Variants in IP6K1 observed in about 807,000 individuals in gnomAD.
IP6K1 encodes the protein ATP:1D-myo-inositol-hexakisphosphate phosphotransferase.
In IP6K1, 13 loss-of-function variants were observed where a neutral mutation model predicts 38.3. That is an observed-to-expected ratio of 0.34 (90% confidence interval 0.22 to 0.54). The LOEUF is 0.54. IP6K1 is among the 20% of genes least tolerant of loss of function. IP6K1 has a pLI of 0.92. For synonymous variants in IP6K1, 212 were observed against 229.9 expected (o/e 0.92, Z 0.70); for missense variants, 397 against 599.8 (o/e 0.66, Z 3.53).
Position 49,751,405 on chromosome 3 carries a change from C to T in IP6K1, c.-128-3237G>A, listed in dbSNP as rs540743031. 6.6e-5 allele frequency among the ~76,000 whole-genome samples: 10 copies of T among 152,152 alleles called. No homozygotes were observed. The South Asian group carries it at 1.9e-3, about 28-fold the overall frequency. ...TCAATCTCTTGACCTCATGATCCACCCACCTCAGCCTCCCACAGTGCTGGG... is the reference window on the plus strand; with the variant it reads ...TCAATCTCTTGACCTCATGATCCACTCACCTCAGCCTCCCACAGTGCTGGG... On this transcript the variant is annotated intron_variant, in intron 1 of 5. Coordinates refer to ENST00000321599, the MANE Select transcript of IP6K1 (RefSeq NM_153273.4).
intron 1 of IP6K1, among the ~76,000 whole-genome samples, chr3:49,750,788 A>G (rs2080767696): frequency 6.6e-6 from 1 of 152,206 alleles, no homozygotes; most frequent in East Asian, 1.9e-4. Flanking sequence ...CTGAGGGCAG[A>G]GTCCACTCTT....
intron 1 of IP6K1, among the ~76,000 whole-genome samples, chr3:49,784,668 T>C (rs1429351525): frequency 6.9e-6 from 1 of 144,394 alleles, no homozygotes; most frequent in East Asian, 2.1e-4. Context: ...AAAAGTAGGC[T>C]TGGCGCGGTG....
chr3:49,775,426 G>C, intron 1 of IP6K1: 1 of 451,786 alleles, frequency 2.2e-6, no homozygotes, highest in East Asian at 4.6e-5. Context: ...TGTGATGAGT[G>C]TAACTACGTA....
intron 2 of IP6K1, 53 bp downstream of exon 2, chr3:49,747,765 A>AG (rs2080734037): frequency 6.2e-7 from 1 of 1,606,336 alleles, no homozygotes; most frequent in African/African-American, 1.3e-5. Flanking sequence ...AACTGTGGCA[A>AG]GGGGTCTATA....
chr3:49,760,003 G>A (rs1158779690), intron 1 of IP6K1, among the ~76,000 whole-genome samples: 2 of 152,102 alleles, frequency 1.3e-5, no homozygotes, highest in Admixed American at 6.6e-5. Flanking sequence ...TTGGGCTCAG[G>A]CGATCCTTCC....
chr3:49,759,805 A>C (rs1263112349), intron 1 of IP6K1, among the ~76,000 whole-genome samples: 1 of 152,260 alleles, frequency 6.6e-6, no homozygotes, highest in Non-Finnish European at 1.5e-5. Context: ...AGGGGTGAAC[A>C]ACCAGCATAA....
chr3:49,729,331 A>G (rs937735568), intron 4 of IP6K1, among the ~76,000 whole-genome samples: 1 of 152,124 alleles, frequency 6.6e-6, no homozygotes, highest in Non-Finnish European at 1.5e-5. Context: ...TATATATCAC[A>G]AACTTTTTTG....
At chr3:49,730,418 C>T (rs1489171564) in intron 4 of IP6K1, among the ~76,000 whole-genome samples, 2 of 152,184 alleles carry the variant, frequency 1.3e-5, no homozygotes, top group African/African-American at 2.4e-5. Context: ...GAACCAAGGC[C>T]CTACTCAAGC....
At chr3:49,741,009 C>T (rs544758355) in intron 2 of IP6K1, among the ~76,000 whole-genome samples, 22 of 152,134 alleles carry the variant, frequency 1.4e-4, no homozygotes, top group East Asian at 3.9e-4. Flanking sequence ...CCACCACGCT[C>T]GGCTACTTTT....
intron 1 of IP6K1, among the ~76,000 whole-genome samples, chr3:49,759,776 G>A (rs538411380): frequency 2.2e-4 from 34 of 152,316 alleles, no homozygotes; most frequent in African/African-American, 5.8e-4. Flanking sequence ...AAGTAAATAC[G>A]TGAAGAAAAC....
At position 49,748,140 on chromosome 3, in the gene IP6K1, T is replaced by C; in HGVS notation, c.-100A>G. On this transcript the variant is annotated 5_prime_UTR_variant, in exon 2 of 6. Coordinates refer to ENST00000321599, the MANE Select transcript of IP6K1 (RefSeq NM_153273.4). ...GTCCTGGCCAGGTGAAAGCCAATGG[T>C]CAGATTCTATTCAGCTTATTATTCT... The C allele has an allele frequency of 1.7e-6, 2 of 1,174,046 alleles. No homozygotes were observed. Among genetic ancestry groups the C allele is most frequent in the Non-Finnish European group, 2.5e-6 (2 of 802,234 alleles). 72.7% of individuals were successfully genotyped at this position (1,174,046 alleles called of 1,614,324 possible).
rs1284379087 is a variant in IP6K1 at position 49,724,833 on chromosome 3, T to C, written c.*2289A>G. 6.6e-6 allele frequency: 1 copy of C among 152,600 alleles called. No homozygotes were observed. The highest frequency in any genetic ancestry group is 6.5e-5 in the Admixed American group (1 of 15,270). The allele number at this position is 152,600 out of a possible 1,614,324, so 9.5% of individuals were successfully genotyped here. On this transcript the variant is annotated 3_prime_UTR_variant, in exon 6 of 6. Transcript: ENST00000321599. ...CCCTTCCTCTTTTAAGCACCACCCG[T>C]CCCACCCCACCCTCAGGGGCTGGTG... is the stretch of plus-strand genomic sequence containing the variant.
intron 4 of IP6K1, 146 bp downstream of exon 4, chr3:49,732,645 T>A: frequency 1.7e-6 from 1 of 600,688 alleles, no homozygotes; most frequent in Non-Finnish European, 2.8e-6. Flanking sequence ...TTGATGAAAG[T>A]AAACGAAGGA....
intron 1 of IP6K1, among the ~76,000 whole-genome samples, chr3:49,753,061 G>C (rs775458391): frequency 3.0e-4 from 46 of 151,918 alleles, no homozygotes; most frequent in Non-Finnish European, 5.9e-4. Context: ...ATGCCTGGCC[G>C]CCATTTCACT....
chr3:49,759,599 C>A (rs2080851310), intron 1 of IP6K1, among the ~76,000 whole-genome samples: 1 of 152,116 alleles, frequency 6.6e-6, no homozygotes, highest in Non-Finnish European at 1.5e-5. Flanking sequence ...CACCACACAT[C>A]CTGGAGGCAA....
chr3:49,775,140 A>C (rs1345106278), intron 1 of IP6K1: 1 of 153,804 alleles, frequency 6.5e-6, no homozygotes, highest in African/African-American at 2.4e-5. Context: ...TTGTGTTTAA[A>C]AACACCAGGC....
At chr3:49,780,702 T>C (rs2081058076) in intron 1 of IP6K1, among the ~76,000 whole-genome samples, 1 of 152,238 alleles carries the variant, frequency 6.6e-6, no homozygotes, top group African/African-American at 2.4e-5. Flanking sequence ...AGTGGCACTT[T>C]AACCAGGAAG....
intron 1 of IP6K1, among the ~76,000 whole-genome samples, chr3:49,764,025 A>C (rs2080888264): frequency 6.6e-6 from 1 of 152,020 alleles, no homozygotes; most frequent in African/African-American, 2.4e-5. Context: ...GTTTCCAAAA[A>C]AACCTCTCAA....
intron 5 of IP6K1, 49 bp downstream of exon 5, chr3:49,728,054 C>T (rs1366833005): frequency 6.4e-6 from 10 of 1,573,148 alleles, no homozygotes; most frequent in East Asian, 2.2e-5. Context: ...TGAGCACAAC[C>T]CAAATCATGC....
Sources: allele counts gnomAD v4.1 joint callset (sites outside exome capture counted in the v4.1 genomes callset), GRCh38; gene constraint gnomAD v4.1.1; transcripts MANE v1.5; gene names NCBI Gene and HGNC (gene_info 2026-07-23, HGNC 2026-07-21).